Variants in TCEAL5 observed in about 807,000 individuals in gnomAD.
TCEAL5 encodes transcription elongation factor A like 5.
For missense variants in TCEAL5, 111 were observed against 158.1 expected (o/e 0.70, Z 1.60); for synonymous variants, 65 against 61.2 (o/e 1.06, Z -0.29).
In TCEAL5 at chrX:103,273,729, T is replaced by C. The variant is rs2147668331; in HGVS notation, c.*214A>G. On this transcript the variant is annotated 3_prime_UTR_variant, in exon 3 of 3. Coordinates refer to ENST00000372680, the MANE Select transcript of TCEAL5 (RefSeq NM_001012979.3). ...ACTCTTTTTTATTGTTATTTTACAATGTACCATGAACATTTATTCCATGCA... is the reference window on the plus strand; with the variant it reads ...ACTCTTTTTTATTGTTATTTTACAACGTACCATGAACATTTATTCCATGCA... 2 of 497,967 alleles carry C rather than the reference T, an allele frequency of 4.0e-6. No individual in the cohort carries two copies. Among genetic ancestry groups the C allele is most frequent in the Non-Finnish European group, 6.5e-6 (2 of 309,320 alleles). 41.0% of individuals were successfully genotyped at this position (497,967 alleles called of 1,213,427 possible).
chrX:103,273,900 G>C lies in TCEAL5; in HGVS notation c.*43C>G. On this transcript the variant is annotated 3_prime_UTR_variant, in exon 3 of 3. Transcript: ENST00000372680. ...ATGCCTGCCAGGAAAAGCAGGACTG[G>C]CAATATTCCCATCAGAGAAATCAGA... is the stretch of plus-strand genomic sequence containing the variant. 8.4e-7 allele frequency: 1 copy of C among 1,189,763 alleles called. No homozygotes were observed. Among genetic ancestry groups the C allele is most frequent in the Non-Finnish European group, 1.1e-6 (1 of 883,225 alleles).
chrX:103,275,939 G>A (rs1465383475), intron 1 of TCEAL5, among the ~76,000 whole-genome samples: 2 of 112,193 alleles, frequency 1.8e-5, no homozygotes, highest in African/African-American at 3.2e-5. Flanking sequence ...CACTCCTCCT[G>A]GATAGGGAGC....
chrX:103,273,736 T>C lies in TCEAL5; in HGVS notation c.*207A>G. The stretch of plus-strand genomic sequence containing the variant: ...TTTATTGTTATTTTACAATGTACCA[T>C]GAACATTTATTCCATGCACATGGGT... On this transcript the variant is annotated 3_prime_UTR_variant, in exon 3 of 3. Transcript: ENST00000372680. The C allele has an allele frequency of 1.9e-6, 1 of 518,180 alleles. No homozygotes were observed. Among genetic ancestry groups the C allele is most frequent in the Non-Finnish European group, 3.1e-6 (1 of 323,164 alleles). The allele number at this position is 518,180 out of a possible 1,213,427, so 42.7% of individuals were successfully genotyped here.
At chrX:103,275,155 C>T (rs776247869) in intron 2 of TCEAL5, 120 bp downstream of exon 2, 4 of 111,682 alleles carry the variant, frequency 3.6e-5, no homozygotes, top group East Asian at 2.8e-4. Flanking sequence ...TCATGTATCC[C>T]GAAACTGCAA....
At chrX:103,275,801 C>T (rs889439336) in intron 1 of TCEAL5, among the ~76,000 whole-genome samples, 1 of 111,376 alleles carries the variant, frequency 9.0e-6, no homozygotes, top group Admixed American at 9.5e-5. Flanking sequence ...ACACTCCTGC[C>T]ACCTCCTCCC....
rs1925500104 is a variant in TCEAL5 at position 103,273,891 on chromosome X, G to T, written c.*52C>A. 8.5e-7 allele frequency: 1 copy of T among 1,175,411 alleles called. No individual in the cohort carries two copies. The highest frequency in any genetic ancestry group is 1.1e-6 in the Non-Finnish European group (1 of 876,497). On this transcript the variant is annotated 3_prime_UTR_variant, in exon 3 of 3. Transcript: ENST00000372680. ...GGCCGGCAAATGCCTGCCAGGAAAA[G>T]CAGGACTGGCAATATTCCCATCAGA...
At position 103,276,677 on chromosome X, in the gene TCEAL5, A is replaced by C. The variant is rs754279674; in HGVS notation, c.-100T>G. On this transcript the variant is annotated 5_prime_UTR_variant, in exon 1 of 3. Coordinates refer to ENST00000372680, the MANE Select transcript of TCEAL5 (RefSeq NM_001012979.3). ...GGGTCCCCGGCTTGTACCGACCTGCAGGGCTGTAGGGCAGTTGCCTTCTCT... is the reference window on the plus strand; with the variant it reads ...GGGTCCCCGGCTTGTACCGACCTGCCGGGCTGTAGGGCAGTTGCCTTCTCT... 1.8e-5 allele frequency: 2 copies of C among 111,192 alleles called. No homozygotes were observed. The highest frequency in any genetic ancestry group is 7.8e-4 in the South Asian group (2 of 2,575). 9.2% of individuals were successfully genotyped at this position (111,192 alleles called of 1,213,427 possible). A position where few individuals can be genotyped will look rare whatever the true frequency, so the allele number is the denominator to read the frequency against.
rs1925498022 is a variant in TCEAL5 at position 103,273,791 on chromosome X, G to A, written c.*152C>T. The A allele has an allele frequency of 1.2e-6, 1 of 804,163 alleles. No individual in the cohort carries two copies. The highest frequency in any genetic ancestry group is 2.1e-5 in the African/African-American group (1 of 47,436). 66.3% of individuals were successfully genotyped at this position (804,163 alleles called of 1,213,427 possible). The stretch of plus-strand genomic sequence containing the variant: ...ATCCTCTACTAAAAGACAGAGCACT[G>A]TAGTTGGGTCAAAAGTCTGCTGGTA... On this transcript the variant is annotated 3_prime_UTR_variant, in exon 3 of 3. Coordinates refer to ENST00000372680, the MANE Select transcript of TCEAL5 (RefSeq NM_001012979.3).
At chrX:103,274,651 A>T in intron 2 of TCEAL5, 61 bp from the exon 3 acceptor site, 1 of 1,062,872 alleles carries the variant, frequency 9.4e-7, no homozygotes, top group Non-Finnish European at 1.2e-6. Context: ...ACAGGTCCTT[A>T]TAGTACTTGT....
intron 2 of TCEAL5, among the ~76,000 whole-genome samples, chrX:103,274,929 C>T (rs193265256): frequency 8.9e-5 from 10 of 111,785 alleles, no homozygotes; most frequent in Non-Finnish European, 1.7e-4. Context: ...CTGCAGAAAT[C>T]CTGGGCAGTT....
At chrX:103,275,064 C>T (rs1463176458) in intron 2 of TCEAL5, among the ~76,000 whole-genome samples, 1 of 111,634 alleles carries the variant, frequency 9.0e-6, no homozygotes, top group Non-Finnish European at 1.9e-5. Flanking sequence ...GATGCTACAC[C>T]TCCATTCTCT....
chrX:103,275,579 G>A (rs1033808734), intron 1 of TCEAL5, among the ~76,000 whole-genome samples: 1 of 111,817 alleles, frequency 8.9e-6, no homozygotes, highest in African/African-American at 3.3e-5. Flanking sequence ...GCGTTTCTAT[G>A]TTTCTGAATC....
At chrX:103,276,447 G>C (rs1472121223) in intron 1 of TCEAL5, among the ~76,000 whole-genome samples, 1 of 109,767 alleles carries the variant, frequency 9.1e-6, no homozygotes, top group Non-Finnish European at 1.9e-5. Flanking sequence ...GGATGGGTTC[G>C]TAGCCATCTC....
chrX:103,275,963 A>G (rs772317140), intron 1 of TCEAL5, among the ~76,000 whole-genome samples: 1 of 112,163 alleles, frequency 8.9e-6, no homozygotes, highest in South Asian at 3.8e-4. Flanking sequence ...TCCCCAGATC[A>G]AACCTCTGTC....
In TCEAL5 at chrX:103,274,282, G is replaced by T. The variant is rs764460948; in HGVS notation, c.282C>A (p.Ala94=). ...PQSEGKPASQ[A]KPESQPRAAE... ...CGGCCCGCGGCTGGCTCTCTGGCTT[G>T]GCCTGGGAGGCTGGCTTGCCCTCAC... The change falls in exon 3 of 3, where the codon GCC becomes GCA. Residue 94 remains alanine (A), a synonymous_variant. Coordinates refer to ENST00000372680, the MANE Select transcript of TCEAL5 (RefSeq NM_001012979.3). The T allele has an allele frequency of 1.2e-4, 151 of 1,209,160 alleles. No individual in the cohort carries two copies. Among genetic ancestry groups the T allele is most frequent in the Non-Finnish European group, 1.5e-4 (137 of 895,042 alleles).
chrX:103,275,685 T>C (rs1229041424), intron 1 of TCEAL5, among the ~76,000 whole-genome samples: 2 of 110,976 alleles, frequency 1.8e-5, no homozygotes, highest in African/African-American at 3.3e-5. Flanking sequence ...TGCACTCAGA[T>C]CTCTACATTC....
In TCEAL5 at chrX:103,276,676, C is replaced by T. The variant is rs1925567437; in HGVS notation, c.-99G>A. 1 of 111,320 alleles carries T rather than the reference C, an allele frequency of 9.0e-6. No individual in the cohort carries two copies. Among genetic ancestry groups the T allele is most frequent in the African/African-American group, 3.3e-5 (1 of 30,504 alleles). The allele number at this position is 111,320 out of a possible 1,213,427, so 9.2% of individuals were successfully genotyped here. A position where few individuals can be genotyped will look rare whatever the true frequency, so the allele number is the denominator to read the frequency against. ...GGGGTCCCCGGCTTGTACCGACCTG[C>T]AGGGCTGTAGGGCAGTTGCCTTCTC... is the stretch of plus-strand genomic sequence containing the variant. On this transcript the variant is annotated 5_prime_UTR_variant, in exon 1 of 3. Coordinates refer to ENST00000372680, the MANE Select transcript of TCEAL5 (RefSeq NM_001012979.3).
chrX:103,275,841 T>C (rs1925547197), intron 1 of TCEAL5, among the ~76,000 whole-genome samples: 1 of 112,016 alleles, frequency 8.9e-6, no homozygotes, highest in African/African-American at 3.3e-5. Context: ...CCCACATTTT[T>C]CTGCAATGCA....
intron 2 of TCEAL5, among the ~76,000 whole-genome samples, chrX:103,274,937 G>A (rs1354785259): frequency 8.9e-6 from 1 of 111,856 alleles, no homozygotes; most frequent in Non-Finnish European, 1.9e-5. Flanking sequence ...ATCCTGGGCA[G>A]TTTTCTTCTT....
Sources: allele counts gnomAD v4.1 joint callset (sites outside exome capture counted in the v4.1 genomes callset), GRCh38; gene constraint gnomAD v4.1.1; transcripts MANE v1.5; gene names NCBI Gene and HGNC (gene_info 2026-07-23, HGNC 2026-07-21).